ZC2HC1B: variants seen among roughly 807,000 people sequenced by gnomAD.
The protein encoded by ZC2HC1B is zinc finger C2HC domain-containing protein 1B.
A neutral mutation model predicts 31.0 loss-of-function variants in ZC2HC1B; 36 were observed. The observed-to-expected ratio is 1.16, with a 90% CI of 0.89 to 1.54. The LOEUF is 1.54. ZC2HC1B is among the 40% of genes most tolerant of loss of function. The pLI is 0.00. For synonymous variants in ZC2HC1B, 73 were observed against 88.0 expected, an observed-to-expected ratio of 0.83 and a Z score of 0.95; for missense variants, 260 against 268.6, an observed-to-expected ratio of 0.97 and a Z score of 0.22.
At chr6:143,882,334 T>TTATA (rs59777839) in intron 1 of ZC2HC1B, among the ~76,000 whole-genome samples, 3,254 of 85,458 alleles carry the variant, frequency 0.038, 88 homozygotes, top group Non-Finnish European at 0.043. Context: ...TTTATATTTT[T>TTATA]TATATATATA....
At chr6:143,882,338 A>T (rs1303716124) in intron 1 of ZC2HC1B, among the ~76,000 whole-genome samples, 2 of 125,346 alleles carry the variant, frequency 1.6e-5, no homozygotes, top group South Asian at 2.5e-4. Context: ...TATTTTTTAT[A>T]TATATATATA....
Position 143,872,882 on chromosome 6 carries a change from A to G in ZC2HC1B, c.28+8315A>G, listed in dbSNP as rs761765097. Among the ~76,000 whole-genome samples the G allele has an allele frequency of 2.6e-4, 40 of 152,288 alleles. No homozygotes were observed. Among genetic ancestry groups the G allele is most frequent in the African/African-American group, 4.1e-4 (17 of 41,546 alleles). On this transcript the variant is annotated intron_variant, in intron 1 of 7. Coordinates refer to ENST00000237275, the MANE Select transcript of ZC2HC1B (RefSeq NM_001013623.3). This position sits in a 1 kb window ranked among gnomAD's most constrained non-coding sequence, Gnocchi z 5.5. ...ATAAAATTCAAGTGGAGATTTGGGTAGGGACACAACCAAACCATATCATTC... is the reference window on the plus strand; with the variant it reads ...ATAAAATTCAAGTGGAGATTTGGGTGGGGACACAACCAAACCATATCATTC...
intron 6 of ZC2HC1B, 43 bp from the exon 7 acceptor site, chr6:143,937,606 G>T (rs1408542883): frequency 4.1e-6 from 6 of 1,465,958 alleles, no homozygotes; most frequent in Admixed American, 2.4e-5. Flanking sequence ...TCTTGGTAAT[G>T]TTCTGCTTTG....
rs1047047989 is a variant in ZC2HC1B, at chr6:143,872,936, C to G, written c.28+8369C>G. Among the ~76,000 whole-genome samples, 1 of 152,148 alleles carries G rather than the reference C, an allele frequency of 6.6e-6. No homozygotes were observed. Among genetic ancestry groups the G allele is most frequent in the African/African-American group, 2.4e-5 (1 of 41,428 alleles). ...CCCTGGCCCCTGAAAATCTCATGTCCTCACATTTCAAAACCAATCATGCCT... is the reference window on the plus strand; with the variant it reads ...CCCTGGCCCCTGAAAATCTCATGTCGTCACATTTCAAAACCAATCATGCCT... On this transcript the variant is annotated intron_variant, in intron 1 of 7. Transcript: ENST00000237275. This position sits in a 1 kb window ranked among gnomAD's most constrained non-coding sequence, Gnocchi z 5.5.
At chr6:143,879,881 C>T (rs1410034459) in intron 1 of ZC2HC1B, among the ~76,000 whole-genome samples, 2 of 132,622 alleles carry the variant, frequency 1.5e-5, no homozygotes, top group African/African-American at 2.8e-5. Context: ...GCCCAGCAGG[C>T]ACAATCAATC....
chr6:143,864,716 CA>C lies in ZC2HC1B; in HGVS notation c.28+153del, dbSNP rs1432904699. ...TATTGTAGGATTTTTAAAGAGTTGT[CA>C]AAACTGATGGCATTAGGTATTCTAC... On this transcript the variant is annotated intron_variant, in intron 1 of 7. Coordinates refer to ENST00000237275, the MANE Select transcript of ZC2HC1B (RefSeq NM_001013623.3). 10 of 915,354 alleles carry C rather than the reference CA, an allele frequency of 1.1e-5. No homozygotes were observed. The East Asian group carries it at 2.7e-4, about 24-fold the overall frequency. 56.7% of individuals were successfully genotyped at this position (915,354 alleles called of 1,614,324 possible).
intron 6 of ZC2HC1B, among the ~76,000 whole-genome samples, chr6:143,909,352 G>A (rs918747595): frequency 3.0e-4 from 45 of 151,962 alleles, no homozygotes; most frequent in African/African-American, 1.1e-3. Flanking sequence ...AGCTGAGATT[G>A]ACCCACTGCA....
In ZC2HC1B at chr6:143,917,556, C is replaced by G. The variant is rs1777933470; in HGVS notation, c.598+14404C>G. Among the ~76,000 whole-genome samples, 1 of 152,114 alleles carries G rather than the reference C, an allele frequency of 6.6e-6. No individual in the cohort carries two copies. Among genetic ancestry groups the G allele is most frequent in the African/African-American group, 2.4e-5 (1 of 41,408 alleles). ...GCTCCTTCAGCAATGTCTTTTCCAC[C>G]CATTTTGTTATTGATGTCACAAAAT... On this transcript the variant is annotated intron_variant, in intron 6 of 7. Coordinates refer to ENST00000237275, the MANE Select transcript of ZC2HC1B (RefSeq NM_001013623.3). This position sits in a 1 kb window ranked among gnomAD's most constrained non-coding sequence, Gnocchi z 4.1.
At position 143,900,556 on chromosome 6, in the gene ZC2HC1B, GACAGGTCCTTGATTA is replaced by G. The variant is rs112017862; in HGVS notation, c.489+1893_489+1907del. On this transcript the variant is annotated intron_variant, in intron 5 of 7. Transcript: ENST00000237275. ...CTAAAATCAAGGACTGTCCTTGATT[GACAGGTCCTTGATTA>G]ACAGGTCCTTGATTAACAGGTCCTT... Among the ~76,000 whole-genome samples, 1,467 of 152,134 alleles carry G rather than the reference GACAGGTCCTTGATTA, an allele frequency of 9.6e-3. 11 individuals carry two copies. The highest frequency in any genetic ancestry group is 0.028 in the African/African-American group (1,172 of 41,482).
chr6:143,902,545 C>T (rs182667218), intron 5 of ZC2HC1B, among the ~76,000 whole-genome samples: 174 of 152,180 alleles, frequency 1.1e-3, no homozygotes, highest in African/African-American at 3.9e-3. Context: ...GTCCTTATTT[C>T]GTTTTAATGT....
In ZC2HC1B at chr6:143,886,460, A is replaced by AT. The variant is rs560445233; in HGVS notation, c.211-218dup. On this transcript the variant is annotated intron_variant, in intron 3 of 7. Transcript: ENST00000237275. The surrounding 1 kb of genome is among the most constrained non-coding windows in gnomAD (Gnocchi z 4.2). ...TTCTTTAAAGTTTTATAGTTTCTTT[A>AT]TTTTTCTGATTTTTATTTTGTGTTT... Among the ~76,000 whole-genome samples, 241 of 152,044 alleles carry AT rather than the reference A, an allele frequency of 1.6e-3. 1 individual carries two copies. Among genetic ancestry groups the AT allele is most frequent in the African/African-American group, 5.4e-3 (225 of 41,498 alleles).
chr6:143,881,923 T>C (rs145335738), intron 1 of ZC2HC1B: 1 of 152,314 alleles, frequency 6.6e-6, no homozygotes, highest in Non-Finnish European at 1.5e-5. Flanking sequence ...CTCACTGATT[T>C]CAACCAGAGG....
intron 5 of ZC2HC1B, among the ~76,000 whole-genome samples, chr6:143,900,813 G>A (rs977690676): frequency 1.3e-5 from 2 of 152,128 alleles, no homozygotes; most frequent in Non-Finnish European, 2.9e-5. Flanking sequence ...AGAGGCAGTG[G>A]TTACAATAAA....
At position 143,932,844 on chromosome 6, in the gene ZC2HC1B, C is replaced by T. The variant is rs141472889; in HGVS notation, c.599-4805C>T. Among the ~76,000 whole-genome samples, 778 of 152,310 alleles carry T rather than the reference C, an allele frequency of 5.1e-3. 4 individuals are homozygous for T. Among genetic ancestry groups the T allele is most frequent in the African/African-American group, 0.017 (708 of 41,560 alleles). ...CAGCTGTTCAGATTCTTTTGTCCCA[C>T]AGGGTGAACCCTTGATGTGGTACCC... On this transcript the variant is annotated intron_variant, in intron 6 of 7. Transcript: ENST00000237275.
At position 143,924,663 on chromosome 6, in the gene ZC2HC1B, T is replaced by C. The variant is rs1347800354; in HGVS notation, c.599-12986T>C. Among the ~76,000 whole-genome samples, 1 of 152,236 alleles carries C rather than the reference T, an allele frequency of 6.6e-6. No homozygotes were observed. The highest frequency in any genetic ancestry group is 6.5e-5 in the Admixed American group (1 of 15,288). On this transcript the variant is annotated intron_variant, in intron 6 of 7. Transcript: ENST00000237275. This position sits in a 1 kb window ranked among gnomAD's most constrained non-coding sequence, Gnocchi z 5.2. The stretch of plus-strand genomic sequence containing the variant: ...CTATGCATTTGTCAGATATGACCTT[T>C]ACTATGCTGAGGCATGTTTCTTCTA...
chr6:143,900,010 G>T (rs1456118565), intron 5 of ZC2HC1B, among the ~76,000 whole-genome samples: 2 of 152,140 alleles, frequency 1.3e-5, no homozygotes, highest in African/African-American at 4.8e-5. Flanking sequence ...CCTAGAGTTG[G>T]GGTTGGGAAG....
At position 143,884,239 on chromosome 6, in the gene ZC2HC1B, A is replaced by G. The variant is rs1403204446; in HGVS notation, c.29-65A>G. ...CAAGCTATTGAGGTCACCTCCAGTC[A>G]GTCATTTCTTCTCAGCGAGGAAATT... On this transcript the variant is annotated intron_variant, in intron 1 of 7. Transcript: ENST00000237275. The surrounding 1 kb of genome is among the most constrained non-coding windows in gnomAD (Gnocchi z 5.1). 1 of 1,424,632 alleles carries G rather than the reference A, an allele frequency of 7.0e-7. No individual in the cohort carries two copies. The highest frequency in any genetic ancestry group is 9.6e-7 in the Non-Finnish European group (1 of 1,046,454). The allele number at this position is 1,424,632 out of a possible 1,614,324, so 88.2% of individuals were successfully genotyped here.
Position 143,876,715 on chromosome 6 carries a change from C to A in ZC2HC1B, c.29-7589C>A, listed in dbSNP as rs1031297637. On this transcript the variant is annotated intron_variant, in intron 1 of 7. Coordinates refer to ENST00000237275, the MANE Select transcript of ZC2HC1B (RefSeq NM_001013623.3). ...AATAGGCCATCTGCAAGCTGAGGAG[C>A]AAGGAGAGCCAGTCTGAGTCCCAAA... Among the ~76,000 whole-genome samples, 9 of 150,492 alleles carry A rather than the reference C, an allele frequency of 6.0e-5. 1 individual carries two copies. Among genetic ancestry groups the A allele is most frequent in the Non-Finnish European group, 8.9e-5 (6 of 67,606 alleles).
rs1778017747 is a variant in ZC2HC1B at position 143,924,972 on chromosome 6, GT to G, written c.599-12673del. Reference sequence around the variant, plus strand: ...TCTATTTCCATTATGTCCTTGTCTGGTTTTGGTATCAGGGTAATACTGGCCT... The same window carrying G: ...TCTATTTCCATTATGTCCTTGTCTGGTTTGGTATCAGGGTAATACTGGCCT... On this transcript the variant is annotated intron_variant, in intron 6 of 7. Coordinates refer to ENST00000237275, the MANE Select transcript of ZC2HC1B (RefSeq NM_001013623.3). The surrounding 1 kb of genome is among the most constrained non-coding windows in gnomAD (Gnocchi z 5.2). Among the ~76,000 whole-genome samples the G allele has an allele frequency of 6.6e-6, 1 of 152,102 alleles. No homozygotes were observed. Among genetic ancestry groups the G allele is most frequent in the Admixed American group, 6.6e-5 (1 of 15,264 alleles).
Sources: allele counts gnomAD v4.1 joint callset (sites outside exome capture counted in the v4.1 genomes callset), GRCh38; gene constraint gnomAD v4.1.1; non-coding constraint Gnocchi (gnomAD v3.1); transcripts MANE v1.5; gene names NCBI Gene and HGNC (gene_info 2026-07-23, HGNC 2026-07-21).